Variants in DPP10 observed in about 807,000 individuals in gnomAD.
DPP10 encodes the protein dipeptidyl peptidase like 10, also known as inactive dipeptidyl peptidase 10.
In DPP10, 33 loss-of-function variants were observed where a neutral mutation model predicts 120.9. The ratio of observed to expected loss-of-function variants is 0.27; its 90% CI spans 0.21 to 0.37. The LOEUF is 0.37. Among genes scored for constraint, DPP10 ranks in the 10% least tolerant of loss-of-function variants. The pLI is 1.00. For missense variants in DPP10, 816 were observed against 942.8 expected, an observed-to-expected ratio of 0.87 and a Z score of 1.76; for synonymous variants, 337 against 326.1, an observed-to-expected ratio of 1.03 and a Z score of -0.36.
At chr2:114,832,876 A>T (rs1488262644) in intron 1 of DPP10, among the ~76,000 whole-genome samples, 3 of 152,184 alleles carry the variant, frequency 2.0e-5, no homozygotes, top group Admixed American at 2.0e-4. Context: ...AAAAAATTTA[A>T]GTACTTTAAA....
chr2:115,244,229 TATATATATATAGAGAG>T (rs1216080424), intron 1 of DPP10, among the ~76,000 whole-genome samples: 9 of 38,238 alleles, frequency 2.4e-4, no homozygotes, highest in East Asian at 1.0e-3. Context: ...TATATATATA[TATATATATATAGAGAG>T]AGAGAGAGAG....
intron 1 of DPP10, among the ~76,000 whole-genome samples, chr2:114,637,268 GA>G (rs999623210): frequency 1.3e-5 from 2 of 151,902 alleles, no homozygotes; most frequent in African/African-American, 4.9e-5. Flanking sequence ...ATTAAGGGAT[GA>G]AAAGGGATTT....
At chr2:115,251,364 ACACATTTCT>A (rs1200415672) in intron 1 of DPP10, among the ~76,000 whole-genome samples, 1 of 152,106 alleles carries the variant, frequency 6.6e-6, no homozygotes, top group Non-Finnish European at 1.5e-5. Flanking sequence ...TCTCCAACAT[ACACATTTCT>A]CACTCTCTGC....
At chr2:115,117,580 C>T (rs1209531559) in intron 1 of DPP10, among the ~76,000 whole-genome samples, 1 of 152,146 alleles carries the variant, frequency 6.6e-6, no homozygotes, top group Non-Finnish European at 1.5e-5. Flanking sequence ...TGCACTCCCG[C>T]CTGGGTGACA....
At chr2:115,435,919 A>G (rs11675990) in intron 3 of DPP10, among the ~76,000 whole-genome samples, 90,905 of 151,590 alleles carry the variant, frequency 0.6, 28,533 homozygotes, top group Middle Eastern at 0.74. Flanking sequence ...TGTATATCTC[A>G]TTTTCCCAGC....
intron 1 of DPP10, among the ~76,000 whole-genome samples, chr2:114,566,154 C>G (rs555509498): frequency 4.6e-5 from 7 of 151,944 alleles, no homozygotes; most frequent in Admixed American, 3.3e-4. Context: ...TTTTCCTTAT[C>G]TCTTGTCTTT....
At chr2:114,746,178 C>G (rs1229787332) in intron 1 of DPP10, among the ~76,000 whole-genome samples, 2 of 152,138 alleles carry the variant, frequency 1.3e-5, no homozygotes, top group African/African-American at 4.8e-5. Flanking sequence ...TCCCTGTTTC[C>G]TTTTATTCAC....
chr2:114,662,064 CG>C (rs1349628215), intron 1 of DPP10, among the ~76,000 whole-genome samples: 1 of 151,820 alleles, frequency 6.6e-6, no homozygotes, highest in Non-Finnish European at 1.5e-5. Flanking sequence ...TCAGGTCGGC[CG>C]GCTGCCCCTC....
At chr2:115,807,275 A>T (rs1264605351) in intron 19 of DPP10, among the ~76,000 whole-genome samples, 4 of 152,194 alleles carry the variant, frequency 2.6e-5, no homozygotes, top group African/African-American at 9.6e-5. Context: ...TCTGGCTAGG[A>T]GATGTCCCTG....
chr2:115,254,337 A>G (rs1047708614), intron 1 of DPP10, among the ~76,000 whole-genome samples: 3 of 152,134 alleles, frequency 2.0e-5, no homozygotes, highest in Admixed American at 6.6e-5. Context: ...TGAAAACAGG[A>G]TGAGGGGAGT....
chr2:115,840,180 A>G (rs1478279595), intron 24 of DPP10, among the ~76,000 whole-genome samples: 1 of 151,648 alleles, frequency 6.6e-6, no homozygotes, highest in Admixed American at 6.6e-5. Context: ...AAGTAAATAT[A>G]AACACCATTC....
chr2:115,510,940 T>G (rs891391545), intron 4 of DPP10, among the ~76,000 whole-genome samples: 2 of 152,170 alleles, frequency 1.3e-5, no homozygotes, highest in Non-Finnish European at 2.9e-5. Context: ...TTTAAATTGT[T>G]TGCAGCTAGT....
intron 1 of DPP10, among the ~76,000 whole-genome samples, chr2:114,994,305 A>T (rs1161745159): frequency 6.6e-6 from 1 of 152,178 alleles, no homozygotes; most frequent in Non-Finnish European, 1.5e-5. Flanking sequence ...TAAATCTCAA[A>T]TTACATGAGA....
At chr2:115,530,645 A>T (rs1390807852) in intron 5 of DPP10, among the ~76,000 whole-genome samples, 3 of 151,662 alleles carry the variant, frequency 2.0e-5, no homozygotes, top group Non-Finnish European at 2.9e-5. Flanking sequence ...TGACTACTGC[A>T]CTCCAGCCTG....
chr2:115,295,132 C>G (rs558688258), intron 1 of DPP10, among the ~76,000 whole-genome samples: 2 of 152,112 alleles, frequency 1.3e-5, no homozygotes, highest in African/African-American at 4.8e-5. Context: ...ATTCTGGGGA[C>G]TGCTGCAGAT....
intron 1 of DPP10, among the ~76,000 whole-genome samples, chr2:114,532,340 CTATATA>C (rs1157020714): frequency 1.4e-5 from 2 of 145,144 alleles, no homozygotes; most frequent in African/African-American, 5.2e-5. Context: ...ATATATCTCT[CTATATA>C]TATGTATACC....
In DPP10 at chr2:115,741,779, G is replaced by A. The variant is rs1034721929; in HGVS notation, c.852+1886G>A. ...TTCACATAGTAAAACCAAATGCATTGCTGCATGCTCAAATTGCCTTCTTAG... is the reference window on the plus strand; with the variant it reads ...TTCACATAGTAAAACCAAATGCATTACTGCATGCTCAAATTGCCTTCTTAG... On this transcript the variant is annotated intron_variant, in intron 9 of 25. Transcript: ENST00000410059. Among the ~76,000 whole-genome samples the A allele has an allele frequency of 3.3e-5, 5 of 152,052 alleles. No individual in the cohort carries two copies. The East Asian group carries it at 9.6e-4, about 29-fold the overall frequency.
At chr2:115,702,859 A>G (rs7558083) in intron 7 of DPP10, among the ~76,000 whole-genome samples, 18,456 of 152,132 alleles carry the variant, frequency 0.12, 1,351 homozygotes, top group Non-Finnish European at 0.16. Flanking sequence ...TATGTGAAGA[A>G]TAGGTGTTTT....
intron 1 of DPP10, among the ~76,000 whole-genome samples, chr2:114,918,253 C>T (rs1399947219): frequency 6.6e-6 from 1 of 152,078 alleles, no homozygotes; most frequent in East Asian, 1.9e-4. Context: ...AATGAAATAC[C>T]ATCACACACC....
Sources: gnomAD v4.1 joint callset for allele counts (sites outside exome capture counted in the v4.1 genomes callset) on GRCh38, gnomAD v4.1.1 for gene constraint, MANE v1.5 for transcripts, NCBI Gene and HGNC (gene_info 2026-07-23, HGNC 2026-07-21) for gene names.